Variants in PHLDB2 observed in about 807,000 individuals in gnomAD.
PHLDB2 encodes the protein pleckstrin homology-like domain family B member 2.
PHLDB2 carries 71 observed loss-of-function variants against 123.6 expected under a neutral mutation model. The ratio of observed to expected loss-of-function variants is 0.57; its 90% CI spans 0.47 to 0.70. The LOEUF is 0.70. Ranked by LOEUF, PHLDB2 falls within the 30% of genes least tolerant of loss-of-function variation. PHLDB2 has a pLI of 0.00. For synonymous variants in PHLDB2, 547 were observed against 541.6 expected (o/e 1.01, Z -0.14); for missense variants, 1,446 against 1,519.5 (o/e 0.95, Z 0.80).
chr3:111,846,404 G>A (rs756149214), intron 2 of PHLDB2: 28 of 158,064 alleles, frequency 1.8e-4, no homozygotes, highest in Non-Finnish European at 3.9e-4. Flanking sequence ...CTTTGCAAAG[G>A]GTTTCCCTGG....
At chr3:111,904,577 G>T (rs1015228970) in intron 2 of PHLDB2, among the ~76,000 whole-genome samples, 1 of 152,054 alleles carries the variant, frequency 6.6e-6, no homozygotes, top group Non-Finnish European at 1.5e-5. Flanking sequence ...TGGAGATTGG[G>T]AGTTTGGGTG....
At chr3:111,822,366 A>G (rs1294546043) in intron 1 of PHLDB2, among the ~76,000 whole-genome samples, 1 of 151,244 alleles carries the variant, frequency 6.6e-6, no homozygotes, top group East Asian at 1.9e-4. Flanking sequence ...TTCTGCCAAT[A>G]TTCGAACAAC....
At chr3:111,790,558 CAT>C (rs1423668633) in intron 1 of PHLDB2, among the ~76,000 whole-genome samples, 1 of 152,204 alleles carries the variant, frequency 6.6e-6, no homozygotes, top group Admixed American at 6.5e-5. Context: ...AGTGAACTGA[CAT>C]GTGTTTGTGG....
At chr3:111,735,265 C>T (rs1258068708) in intron 1 of PHLDB2, among the ~76,000 whole-genome samples, 1 of 152,180 alleles carries the variant, frequency 6.6e-6, no homozygotes, top group African/African-American at 2.4e-5. Context: ...CCTGTCAAGG[C>T]TCTCACCATC....
chr3:111,734,631 C>T (rs534120905), intron 1 of PHLDB2, among the ~76,000 whole-genome samples: 1 of 152,210 alleles, frequency 6.6e-6, no homozygotes, highest in South Asian at 2.1e-4. Flanking sequence ...TTCAGATTGA[C>T]TAGATTAGAA....
chr3:111,868,695 C>G (rs1026327365), intron 1 of PHLDB2, among the ~76,000 whole-genome samples: 39 of 152,012 alleles, frequency 2.6e-4, no homozygotes, highest in Non-Finnish European at 5.9e-5. Context: ...ATTGGTAAAG[C>G]TCCTTTAACA....
At chr3:111,810,593 C>T (rs989513859) in intron 1 of PHLDB2, among the ~76,000 whole-genome samples, 1 of 152,060 alleles carries the variant, frequency 6.6e-6, no homozygotes, top group African/African-American at 2.4e-5. Context: ...TTCTTATGAC[C>T]TCATTTAACC....
intron 1 of PHLDB2, among the ~76,000 whole-genome samples, chr3:111,838,560 T>A (rs141567424): frequency 1.4e-4 from 21 of 152,300 alleles, no homozygotes; most frequent in African/African-American, 4.3e-4. Flanking sequence ...TGAAGGCTAA[T>A]AATTTGATTA....
At chr3:111,821,283 T>G (rs750086451) in intron 1 of PHLDB2, among the ~76,000 whole-genome samples, 1 of 152,220 alleles carries the variant, frequency 6.6e-6, no homozygotes, top group Non-Finnish European at 1.5e-5. Flanking sequence ...AGAGCCTAAA[T>G]CCATGCTGTG....
intron 1 of PHLDB2, among the ~76,000 whole-genome samples, chr3:111,739,394 T>C (rs2059560095): frequency 6.6e-6 from 1 of 152,120 alleles, no homozygotes; most frequent in African/African-American, 2.4e-5. Context: ...CAGTCAGTCA[T>C]GACTATCATT....
At chr3:111,848,928 G>A (rs570279435) in intron 2 of PHLDB2, among the ~76,000 whole-genome samples, 1 of 152,334 alleles carries the variant, frequency 6.6e-6, no homozygotes, top group South Asian at 2.1e-4. Context: ...GACTGGGTGT[G>A]TAACAGACTA....
At chr3:111,750,947 CA>C (rs34859598) in intron 1 of PHLDB2, among the ~76,000 whole-genome samples, 38,901 of 117,688 alleles carry the variant, frequency 0.33, 5,676 homozygotes, top group East Asian at 0.56. Flanking sequence ...AACTCTGTCT[CA>C]AAAAAAAAAA....
At chr3:111,754,108 G>T (rs1459725761) in intron 1 of PHLDB2, among the ~76,000 whole-genome samples, 3 of 151,908 alleles carry the variant, frequency 2.0e-5, no homozygotes, top group Non-Finnish European at 4.4e-5. Flanking sequence ...TGTTCTTTTG[G>T]CTTAGGATTG....
chr3:111,937,244 C>T (rs566637900), intron 6 of PHLDB2, among the ~76,000 whole-genome samples: 11 of 152,252 alleles, frequency 7.2e-5, no homozygotes, highest in African/African-American at 2.6e-4. Context: ...GATAGAAATA[C>T]ATTTCATTTT....
chr3:111,962,352 G>A, intron 13 of PHLDB2, 40 bp downstream of exon 13: 1 of 1,566,376 alleles, frequency 6.4e-7, no homozygotes. Context: ...GTTTGGAAAA[G>A]AGCCTACTGC....
At chr3:111,805,827 G>C (rs149574480) in intron 1 of PHLDB2, among the ~76,000 whole-genome samples, 1,669 of 143,108 alleles carry the variant, frequency 0.012, 28 homozygotes, top group Non-Finnish European at 0.016. Context: ...GATTGTGATG[G>C]TGGTTGCATA....
At chr3:111,808,059 C>G (rs1387889243) in intron 1 of PHLDB2, among the ~76,000 whole-genome samples, 1 of 151,436 alleles carries the variant, frequency 6.6e-6, no homozygotes, top group South Asian at 2.1e-4. Flanking sequence ...TGGGACCCAG[C>G]CCAGAAATTC....
At chr3:111,962,407 G>T (rs912727969) in intron 13 of PHLDB2, 95 bp downstream of exon 13, 1 of 1,167,934 alleles carries the variant, frequency 8.6e-7, no homozygotes, top group Non-Finnish European at 1.2e-6. Flanking sequence ...ATATGCACAA[G>T]CCCAAATTTT....
At chr3:111,832,595 A>G (rs1371109347) in intron 1 of PHLDB2, among the ~76,000 whole-genome samples, 1 of 145,620 alleles carries the variant, frequency 6.9e-6, no homozygotes, top group East Asian at 2.0e-4. Flanking sequence ...ATGTAATATT[A>G]TATATTATCT....
Sources: gnomAD v4.1 joint callset for allele counts (sites outside exome capture counted in the v4.1 genomes callset) on GRCh38, gnomAD v4.1.1 for gene constraint, MANE v1.5 for transcripts, NCBI Gene and HGNC (gene_info 2026-07-23, HGNC 2026-07-21) for gene names.